Variants in SPATA13 observed in about 807,000 individuals in gnomAD.
SPATA13 encodes the protein spermatogenesis-associated protein 13.
Under a neutral mutation model 104.0 loss-of-function variants are expected in SPATA13, and 50 were observed. The ratio of observed to expected loss-of-function variants is 0.48; its 90% confidence interval spans 0.38 to 0.61. The LOEUF (loss-of-function observed/expected upper bound fraction) is 0.61, where lower values mean the gene tolerates loss of function less well. SPATA13 is among the 20% of genes least tolerant of loss of function. SPATA13 has a pLI of 0.00. For missense variants in SPATA13, 1,524 were observed against 1,690.6 expected (o/e 0.90, Z 1.73); for synonymous variants, 606 against 667.5 (o/e 0.91, Z 1.42).
intron 1 of SPATA13, among the ~76,000 whole-genome samples, chr13:24,169,924 C>T (rs1021638714): frequency 1.9e-4 from 29 of 152,196 alleles, no homozygotes; most frequent in African/African-American, 6.8e-4. Context: ...CCTTCTGATA[C>T]GGAGATTGTC....
intron 3 of SPATA13, among the ~76,000 whole-genome samples, chr13:24,062,498 G>A (rs1254298053): frequency 2.6e-5 from 4 of 152,044 alleles, no homozygotes; most frequent in South Asian, 4.1e-4. Context: ...CCGCTCCAGG[G>A]CTCTGTGAAC....
intron 3 of SPATA13, among the ~76,000 whole-genome samples, chr13:24,059,215 C>A (rs572559472): frequency 5.9e-5 from 9 of 151,786 alleles, no homozygotes; most frequent in African/African-American, 1.7e-4. Flanking sequence ...TCGTAATCCA[C>A]CCCCCTCGGC....
chr13:24,298,968 G>A (rs1430505330), intron 11 of SPATA13, among the ~76,000 whole-genome samples: 1 of 152,138 alleles, frequency 6.6e-6, no homozygotes, highest in Non-Finnish European at 1.5e-5. Flanking sequence ...AAGTGTCAGG[G>A]TGTCCTTTAC....
At chr13:24,109,266 T>A (rs1464721385) in intron 3 of SPATA13, among the ~76,000 whole-genome samples, 1 of 152,214 alleles carries the variant, frequency 6.6e-6, no homozygotes, top group Non-Finnish European at 1.5e-5. Flanking sequence ...GCTGCATCCA[T>A]GTCCCTGCAA....
At chr13:24,126,566 C>G (rs547640365) in intron 3 of SPATA13, among the ~76,000 whole-genome samples, 15 of 152,066 alleles carry the variant, frequency 9.9e-5, no homozygotes, top group African/African-American at 3.6e-4. Context: ...AGACAGACTC[C>G]CAGGGCGCAG....
intron 3 of SPATA13, among the ~76,000 whole-genome samples, chr13:24,091,389 A>G (rs566865090): frequency 2.2e-4 from 34 of 152,340 alleles, no homozygotes; most frequent in Admixed American, 2.1e-3. Context: ...CCCATCTGGT[A>G]TCACCACTTC....
At chr13:24,029,126 G>A (rs1001422642) in intron 3 of SPATA13, among the ~76,000 whole-genome samples, 3 of 151,996 alleles carry the variant, frequency 2.0e-5, no homozygotes, top group African/African-American at 4.8e-5. Context: ...GTCTCACTGT[G>A]TTGTCCAAGC....
intron 4 of SPATA13, chr13:24,272,680 G>A (rs1305891619): frequency 6.6e-6 from 1 of 152,184 alleles, no homozygotes; most frequent in Non-Finnish European, 1.5e-5. Context: ...GTGAGTTGAA[G>A]CCGAGCCTGA....
chr13:24,270,343 G>A (rs1437810224), intron 4 of SPATA13, among the ~76,000 whole-genome samples: 1 of 151,986 alleles, frequency 6.6e-6, no homozygotes, highest in East Asian at 1.9e-4. Context: ...TAAATTTATA[G>A]CTAACTTAAT....
At chr13:24,119,865 A>T (rs1880978707) in intron 3 of SPATA13, among the ~76,000 whole-genome samples, 1 of 152,220 alleles carries the variant, frequency 6.6e-6, no homozygotes, top group African/African-American at 2.4e-5. Context: ...TATGCATGCT[A>T]GGAGAATGCT....
chr13:24,124,068 G>T (rs1379250500), intron 3 of SPATA13, among the ~76,000 whole-genome samples: 12 of 152,096 alleles, frequency 7.9e-5, no homozygotes, highest in Admixed American at 7.9e-4. Flanking sequence ...AAAGCAATGG[G>T]ATTTGTCAGA....
At chr13:24,178,054 A>G (rs1202623003) in intron 1 of SPATA13, among the ~76,000 whole-genome samples, 2 of 151,386 alleles carry the variant, frequency 1.3e-5, no homozygotes, top group African/African-American at 4.9e-5. Flanking sequence ...GGGTCTTATC[A>G]TCTTGCCCAT....
chr13:24,073,537 A>T (rs1879234442), intron 3 of SPATA13, among the ~76,000 whole-genome samples: 1 of 152,248 alleles, frequency 6.6e-6, no homozygotes, highest in South Asian at 2.1e-4. Flanking sequence ...CTGTCCTCAC[A>T]CACAGGTGAC....
In SPATA13 at chr13:24,286,629, G is replaced by C. The variant is rs1055555212; in HGVS notation, c.2482-136G>C. 1.1e-5 allele frequency: 10 copies of C among 884,416 alleles called. No individual in the cohort carries two copies. The highest frequency in any genetic ancestry group is 1.7e-5 in the Non-Finnish European group (10 of 589,360). 54.8% of individuals were successfully genotyped at this position (884,416 alleles called of 1,614,324 possible). ...CTGGCATAGCCGCAGCCCTGCTGAG[G>C]CCATGAGACTCAGGCGAGGGCCAGG... is the stretch of plus-strand genomic sequence containing the variant. On this transcript the variant is annotated intron_variant, in intron 6 of 12. Coordinates refer to ENST00000382108, the MANE Select transcript of SPATA13 (RefSeq NM_001166271.3). This position sits in a 1 kb window ranked among gnomAD's most constrained non-coding sequence, Gnocchi z 4.9.
chr13:24,145,500 G>A (rs984838485), intron 3 of SPATA13, among the ~76,000 whole-genome samples: 2 of 152,202 alleles, frequency 1.3e-5, no homozygotes, highest in Non-Finnish European at 2.9e-5. Flanking sequence ...CATAAACCGA[G>A]TGAGCTGGTA....
At chr13:24,226,193 C>G (rs1468942069) in intron 2 of SPATA13, among the ~76,000 whole-genome samples, 1 of 152,196 alleles carries the variant, frequency 6.6e-6, no homozygotes, top group Non-Finnish European at 1.5e-5. Context: ...TGACTTCACA[C>G]GAAATTGGCA....
At chr13:24,055,996 T>C (rs1005892449) in intron 3 of SPATA13, among the ~76,000 whole-genome samples, 40 of 152,168 alleles carry the variant, frequency 2.6e-4, no homozygotes, top group Admixed American at 2.6e-3. Flanking sequence ...TTAGCATCAG[T>C]GGTTCAAGTG....
intron 3 of SPATA13, chr13:24,123,505 C>T: frequency 6.2e-7 from 1 of 1,610,042 alleles, no homozygotes; most frequent in South Asian, 1.1e-5. Context: ...ATATGCAGGG[C>T]TCCATCTTTT....
intron 1 of SPATA13, among the ~76,000 whole-genome samples, chr13:24,217,636 A>C (rs1871329713): frequency 6.6e-6 from 1 of 152,216 alleles, no homozygotes; most frequent in Non-Finnish European, 1.5e-5. Flanking sequence ...TCAAACAGAG[A>C]ATCTAATACA....
Sources: allele counts gnomAD v4.1 joint callset (sites outside exome capture counted in the v4.1 genomes callset), GRCh38; gene constraint gnomAD v4.1.1; non-coding constraint Gnocchi (gnomAD v3.1); transcripts MANE v1.5; gene names NCBI Gene and HGNC (gene_info 2026-07-23, HGNC 2026-07-21).